The following ZNF799 variants were observed in gnomAD, a reference collection of about 807,000 sequenced individuals.
ZNF799 encodes zinc finger protein 799.
A neutral mutation model predicts 41.0 loss-of-function variants in ZNF799; 28 were observed. That is an observed-to-expected ratio of 0.68 (90% CI 0.51 to 0.94). ZNF799 has a LOEUF of 0.94. Ranked by LOEUF, ZNF799 falls within the 40% of genes least tolerant of loss-of-function variation. The probability of loss-of-function intolerance (pLI) is 0.00; values close to 1 mark genes in which losing one functional copy is unlikely to be tolerated. For synonymous variants in ZNF799, 213 were observed against 252.9 expected, an observed-to-expected ratio of 0.84 and a Z score of 1.50; for missense variants, 716 against 764.3, an observed-to-expected ratio of 0.94 and a Z score of 0.74.
chr19:12,394,752 A>G (rs1568502871), intron 1 of ZNF799: 1 of 985,242 alleles, frequency 1.0e-6, no homozygotes, highest in Non-Finnish European at 1.2e-6. Flanking sequence ...AAACTAAAAC[A>G]AATCTTTTAG....
In ZNF799 at chr19:12,390,336, C is replaced by G; in HGVS notation, c.*130G>C. On this transcript the variant is annotated 3_prime_UTR_variant, in exon 4 of 4. Transcript: ENST00000430385. ...AAGGGATGACTGTACTGGAAAGAAA[C>G]TGAAATTACTTAAGGTTTTACCAAG... The G allele has an allele frequency of 6.5e-7, 1 of 1,550,252 alleles. No homozygotes were observed. The highest frequency in any genetic ancestry group is 1.2e-5 in the South Asian group (1 of 80,484).
chr19:12,403,986 C>T (rs1440832316), upstream of ZNF799, among the ~76,000 whole-genome samples: 1 of 152,146 alleles, frequency 6.6e-6, no homozygotes, highest in Admixed American at 6.5e-5. Flanking sequence ...TTACAATTTC[C>T]TTCTTAATTT....
upstream of ZNF799, among the ~76,000 whole-genome samples, chr19:12,405,991 G>A (rs1171237216): frequency 6.6e-6 from 1 of 151,886 alleles, no homozygotes; most frequent in African/African-American, 2.4e-5. Flanking sequence ...TGGCCAACAC[G>A]GTGAAACCCC....
At chr19:12,407,555 T>A in the ZNF799 span, among the ~76,000 whole-genome samples, 7 of 150,840 alleles carry the variant, frequency 4.6e-5, no homozygotes, top group African/African-American at 1.7e-4. Context: ...CATACAAACA[T>A]ACATATGCAA....
At chr19:12,407,956 A>G in the ZNF799 span, among the ~76,000 whole-genome samples, 2 of 152,318 alleles carry the variant, frequency 1.3e-5, no homozygotes, top group Non-Finnish European at 2.9e-5. Context: ...CAGAAGTTCA[A>G]GACCAGCATC....
At chr19:12,411,972 C>T in the ZNF799 span, among the ~76,000 whole-genome samples, 11 of 152,240 alleles carry the variant, frequency 7.2e-5, no homozygotes, top group East Asian at 2.1e-3. Context: ...TTTGTAATCT[C>T]AGATACACTT....
In ZNF799 at chr19:12,393,290, T is replaced by C; in HGVS notation, c.130+7A>G. ...TTAAATAAGTGGAAATGCGATGTCA[T>C]CCTTACCTACACAATCCAGGTTCCT... On this transcript the variant is annotated splice_region_variant and intron_variant, in intron 2 of 3. Coordinates refer to ENST00000430385, the MANE Select transcript of ZNF799 (RefSeq NM_001080821.3). The C allele has an allele frequency of 1.1e-6, 1 of 944,514 alleles. No homozygotes were observed. Among genetic ancestry groups the C allele is most frequent in the Non-Finnish European group, 1.6e-6 (1 of 608,502 alleles). The allele number at this position is 944,514 out of a possible 1,614,324, so 58.5% of individuals were successfully genotyped here.
chr19:12,410,273 A>ATATATATATATATATATC, the ZNF799 span, among the ~76,000 whole-genome samples: 1 of 59,132 alleles, frequency 1.7e-5, no homozygotes, highest in Admixed American at 1.8e-4. Flanking sequence ...ATATATATAT[A>ATATATATATATATATATC]TATATATATA....
chr19:12,396,387 C>T (rs539476793), intron 1 of ZNF799, among the ~76,000 whole-genome samples: 11 of 152,386 alleles, frequency 7.2e-5, no homozygotes, highest in Non-Finnish European at 1.0e-4. Context: ...TGGTGGCTCA[C>T]GCCTGTAATC....
In ZNF799 at chr19:12,393,282, C is replaced by A; in HGVS notation, c.130+15G>T. On this transcript the variant is annotated intron_variant, in intron 2 of 3. Coordinates refer to ENST00000430385, the MANE Select transcript of ZNF799 (RefSeq NM_001080821.3). ...GTCTCCAATTAAATAAGTGGAAATG[C>A]GATGTCATCCTTACCTACACAATCC... is the stretch of plus-strand genomic sequence containing the variant. 2 of 943,816 alleles carry A rather than the reference C, an allele frequency of 2.1e-6. No homozygotes were observed. Among genetic ancestry groups the A allele is most frequent in the Non-Finnish European group, 3.3e-6 (2 of 609,050 alleles). 58.5% of individuals were successfully genotyped at this position (943,816 alleles called of 1,614,324 possible).
At chr19:12,402,047 T>A (rs1969997586), upstream of ZNF799, among the ~76,000 whole-genome samples, 1 of 152,288 alleles carries the variant, frequency 6.6e-6, no homozygotes, top group South Asian at 2.1e-4. Context: ...TCCTCGCTAC[T>A]ACTTTTCCCA....
At chr19:12,400,837 C>G in intron 1 of ZNF799, 1 of 682,490 alleles carries the variant, frequency 1.5e-6, no homozygotes. Context: ...GCGGAGCTGC[C>G]CAGAGAGGGC....
chr19:12,401,251 T>G lies in ZNF799; in HGVS notation c.-181A>C, dbSNP rs1275415581. The G allele has an allele frequency of 1.4e-6, 2 of 1,406,672 alleles. No homozygotes were observed. The highest frequency in any genetic ancestry group is 1.9e-6 in the Non-Finnish European group (2 of 1,064,718). The allele number at this position is 1,406,672 out of a possible 1,614,324, so 87.1% of individuals were successfully genotyped here. On this transcript the variant is annotated 5_prime_UTR_variant, in exon 1 of 4. Transcript: ENST00000430385. ...GGGCTTTTTCAACCACACACTCCTC[T>G]GGGAAGCGCGCCTGATTGACAGTTC...
At chr19:12,410,657 C>G in the ZNF799 span, among the ~76,000 whole-genome samples, 1 of 151,854 alleles carries the variant, frequency 6.6e-6, no homozygotes, top group East Asian at 1.9e-4. Context: ...TTAAAAACAT[C>G]AATAAAATCA....
At chr19:12,409,584 C>T in the ZNF799 span, among the ~76,000 whole-genome samples, 1 of 152,214 alleles carries the variant, frequency 6.6e-6, no homozygotes, top group Non-Finnish European at 1.5e-5. Context: ...CTTCACTCAA[C>T]ACCAGAGTAC....
the ZNF799 span, among the ~76,000 whole-genome samples, chr19:12,410,872 A>C: frequency 6.6e-6 from 1 of 152,196 alleles, no homozygotes; most frequent in Admixed American, 6.5e-5. Context: ...AAACTCACAA[A>C]ATTAGACCCA....
At chr19:12,399,072 G>A (rs1428570615) in intron 1 of ZNF799, among the ~76,000 whole-genome samples, 2 of 152,096 alleles carry the variant, frequency 1.3e-5, no homozygotes, top group Non-Finnish European at 2.9e-5. Context: ...TCTAATCATA[G>A]GATGTATTTT....
At chr19:12,396,615 C>T (rs1969897212) in intron 1 of ZNF799, among the ~76,000 whole-genome samples, 1 of 152,146 alleles carries the variant, frequency 6.6e-6, no homozygotes, top group African/African-American at 2.4e-5. Context: ...TGCCACTGCA[C>T]TTCAGCCTGG....
intron 1 of ZNF799, among the ~76,000 whole-genome samples, chr19:12,398,567 AATAATT>A (rs1289041370): frequency 6.6e-6 from 1 of 152,184 alleles, no homozygotes; most frequent in African/African-American, 2.4e-5. Context: ...TACAGTTAAA[AATAATT>A]ATATTTTACT....
Sources: allele counts gnomAD v4.1 joint callset (sites outside exome capture counted in the v4.1 genomes callset), GRCh38; gene constraint gnomAD v4.1.1; transcripts MANE v1.5; gene names NCBI Gene and HGNC (gene_info 2026-07-23, HGNC 2026-07-21).